Variants in SDK2 observed in about 807,000 individuals in gnomAD.
The protein encoded by SDK2 is sidekick cell adhesion molecule 2, also known as protein sidekick-2.
Under a neutral mutation model 253.9 loss-of-function variants are expected in SDK2, and 105 were observed. The ratio of observed to expected loss-of-function variants is 0.41; its 90% CI spans 0.35 to 0.49. The LOEUF is 0.49. Ranked by LOEUF, SDK2 falls within the 20% of genes least tolerant of loss-of-function variation. SDK2 has a pLI of 0.06. For missense variants in SDK2, 2,608 were observed against 3,003.0 expected, an observed-to-expected ratio of 0.87 and a Z score of 3.07; for synonymous variants, 1,249 against 1,234.9, an observed-to-expected ratio of 1.01 and a Z score of -0.24.
Position 73,352,674 on chromosome 17 carries a change from G to A in SDK2, c.5594-37C>T, listed in dbSNP as rs1349896648. ...CAGAGATGGAGGCCCTGGGAGGTGA[G>A]GGGAAGCCCCAAATCCCGCTCCCAG... On this transcript the variant is annotated intron_variant, in intron 40 of 44. Transcript: ENST00000392650. The surrounding 1 kb of genome is among the most constrained non-coding windows in gnomAD (Gnocchi z 4.1). 6.2e-7 allele frequency: 1 copy of A among 1,607,806 alleles called. No individual in the cohort carries two copies. The highest frequency in any genetic ancestry group is 8.5e-7 in the Non-Finnish European group (1 of 1,175,164).
At chr17:73,525,504 G>A (rs898211250) in intron 1 of SDK2, among the ~76,000 whole-genome samples, 2 of 152,226 alleles carry the variant, frequency 1.3e-5, no homozygotes, top group African/African-American at 4.8e-5. Context: ...ATGTGAGATT[G>A]TCAATAGGAT....
In SDK2 at chr17:73,639,437, G is replaced by T. The variant is rs538473917; in HGVS notation, c.64+4588C>A. ...ATGGACAGCAGGGGTGGGACACCTAGGGGAGGGGGCACCCGGGGTGTCTCG... is the reference window on the plus strand; with the variant it reads ...ATGGACAGCAGGGGTGGGACACCTATGGGAGGGGGCACCCGGGGTGTCTCG... On this transcript the variant is annotated intron_variant, in intron 1 of 44. Coordinates refer to ENST00000392650, the MANE Select transcript of SDK2 (RefSeq NM_001144952.2). This position sits in a 1 kb window ranked among gnomAD's most constrained non-coding sequence, Gnocchi z 4.3. Among the ~76,000 whole-genome samples, 53 of 152,324 alleles carry T rather than the reference G, an allele frequency of 3.5e-4. No individual in the cohort carries two copies. Among genetic ancestry groups the T allele is most frequent in the African/African-American group, 1.2e-3 (51 of 41,568 alleles).
rs746084333 is a variant in SDK2, at chr17:73,639,239, C to T, written c.64+4786G>A. 2.6e-5 allele frequency among the ~76,000 whole-genome samples: 4 copies of T among 152,292 alleles called. No homozygotes were observed. Among genetic ancestry groups the T allele is most frequent in the Non-Finnish European group, 5.9e-5 (4 of 68,018 alleles). On this transcript the variant is annotated intron_variant, in intron 1 of 44. Coordinates refer to ENST00000392650, the MANE Select transcript of SDK2 (RefSeq NM_001144952.2). This position sits in a 1 kb window ranked among gnomAD's most constrained non-coding sequence, Gnocchi z 4.3. ...CGCTGGGAGCCATTCACCACGTCTG[C>T]AGGAGAAGGGTCTCCCCAGGGCTCC...
At chr17:73,380,830 G>T in intron 34 of SDK2, 64 bp downstream of exon 34, 1 of 1,403,024 alleles carries the variant, frequency 7.1e-7, no homozygotes. Context: ...TCTCAAGGAG[G>T]CCCCACTCCC....
chr17:73,348,832 C>A, intron 43 of SDK2, 107 bp from the exon 44 acceptor site: 3 of 864,664 alleles, frequency 3.5e-6, no homozygotes, highest in Non-Finnish European at 5.3e-6. Context: ...TCCCTGCCAC[C>A]CTGTGCTCCT....
rs139355591 is a variant in SDK2, at chr17:73,467,865, C to T, written c.331+4247G>A. On this transcript the variant is annotated intron_variant, in intron 3 of 44. Transcript: ENST00000392650. This position sits in a 1 kb window ranked among gnomAD's most constrained non-coding sequence, Gnocchi z 4.1. ...CACAGTAGCAGATGCAGCTTCCCAGCGCTGGTTTCAGGGAGCTGCAGCTGG... is the reference window on the plus strand; with the variant it reads ...CACAGTAGCAGATGCAGCTTCCCAGTGCTGGTTTCAGGGAGCTGCAGCTGG... 7.6e-3 allele frequency among the ~76,000 whole-genome samples: 1,159 copies of T among 152,320 alleles called. 20 individuals carry two copies. Among genetic ancestry groups the T allele is most frequent in the African/African-American group, 0.026 (1,101 of 41,578 alleles).
chr17:73,488,942 T>G (rs929009531), intron 2 of SDK2, among the ~76,000 whole-genome samples: 1 of 152,208 alleles, frequency 6.6e-6, no homozygotes, highest in African/African-American at 2.4e-5. Context: ...CAGAACTGAC[T>G]GCAAAGTGCT....
At chr17:73,591,495 T>G (rs988110413) in intron 1 of SDK2, among the ~76,000 whole-genome samples, 23 of 152,190 alleles carry the variant, frequency 1.5e-4, no homozygotes, top group African/African-American at 4.6e-4. Context: ...GATGTTCGGT[T>G]ACACTTGAAC....
Position 73,603,770 on chromosome 17 carries a change from T to A in SDK2, c.64+40255A>T, listed in dbSNP as rs143250934. The stretch of plus-strand genomic sequence containing the variant: ...GAAAGTTGCCAGGGGTCACACAGCT[T>A]GTGGGTGGCAAAGCTGGGCCTTCAA... On this transcript the variant is annotated intron_variant, in intron 1 of 44. Coordinates refer to ENST00000392650, the MANE Select transcript of SDK2 (RefSeq NM_001144952.2). Among the ~76,000 whole-genome samples, 1,156 of 152,306 alleles carry A rather than the reference T, an allele frequency of 7.6e-3. 7 individuals are homozygous for A. Among genetic ancestry groups the A allele is most frequent in the Non-Finnish European group, 1.0e-2 (677 of 68,026 alleles).
intron 1 of SDK2, among the ~76,000 whole-genome samples, chr17:73,549,821 C>T (rs1211689565): frequency 2.6e-5 from 4 of 152,082 alleles, no homozygotes; most frequent in Admixed American, 1.3e-4. Context: ...ATGAGAGGCA[C>T]TGAAGGGTTT....
At chr17:73,518,074 C>T (rs1484408372) in intron 1 of SDK2, 1 of 152,272 alleles carries the variant, frequency 6.6e-6, no homozygotes, top group Non-Finnish European at 1.5e-5. Flanking sequence ...AGCCTGGCAA[C>T]AGCCTGGCCT....
At chr17:73,524,931 C>A (rs1343219310) in intron 1 of SDK2, among the ~76,000 whole-genome samples, 1 of 152,254 alleles carries the variant, frequency 6.6e-6, no homozygotes, top group African/African-American at 2.4e-5. Context: ...CCTCTGCGCA[C>A]ATCATTCCCA....
At chr17:73,611,323 C>T (rs1225846531) in intron 1 of SDK2, among the ~76,000 whole-genome samples, 1 of 152,220 alleles carries the variant, frequency 6.6e-6, no homozygotes, top group East Asian at 1.9e-4. Context: ...CTACAGAGAA[C>T]CATGATGAAG....
intron 40 of SDK2, chr17:73,357,686 C>G (rs2062603103): frequency 3.1e-6 from 1 of 324,424 alleles, no homozygotes; most frequent in Non-Finnish European, 5.8e-6. Context: ...CTGAGACAGC[C>G]ATGATGGCAG....
chr17:73,494,260 C>T (rs1040286449), intron 2 of SDK2, among the ~76,000 whole-genome samples: 1 of 152,184 alleles, frequency 6.6e-6, no homozygotes, highest in Non-Finnish European at 1.5e-5. Flanking sequence ...CATGCCATGT[C>T]CCCCAAGGAG....
chr17:73,515,152 A>G (rs1377535179), intron 1 of SDK2, among the ~76,000 whole-genome samples: 5 of 152,212 alleles, frequency 3.3e-5, no homozygotes, highest in Non-Finnish European at 7.3e-5. Context: ...GAGAAAACCA[A>G]CGCTCAGAAA....
intron 20 of SDK2, 67 bp downstream of exon 20, chr17:73,401,587 G>A (rs2063026478): frequency 7.2e-7 from 1 of 1,390,606 alleles, no homozygotes; most frequent in Non-Finnish European, 1.0e-6. Flanking sequence ...AAAGGCAGGG[G>A]ATGGACCAGC....
chr17:73,485,354 G>A (rs2063763352), intron 2 of SDK2, among the ~76,000 whole-genome samples: 1 of 152,134 alleles, frequency 6.6e-6, no homozygotes, highest in South Asian at 2.1e-4. Flanking sequence ...GTTGAAGAGT[G>A]CCAGGCGTGA....
chr17:73,580,916 AGGGTCTTGCTCTCTCATCCAGGCT>A (rs2045525929), intron 1 of SDK2, among the ~76,000 whole-genome samples: 1 of 152,190 alleles, frequency 6.6e-6, no homozygotes, highest in African/African-American at 2.4e-5. Flanking sequence ...TTTTTGAGTC[AGGGTCTTGCTCTCTCATCCAGGCT>A]GGAGTGCAGT....
Sources: gnomAD v4.1 joint callset for allele counts (sites outside exome capture counted in the v4.1 genomes callset) on GRCh38, gnomAD v4.1.1 for gene constraint, Gnocchi (gnomAD v3.1) non-coding constraint, MANE v1.5 for transcripts, NCBI Gene and HGNC (gene_info 2026-07-23, HGNC 2026-07-21) for gene names.